The following KCNIP4 variants were observed in gnomAD, a reference collection of about 807,000 sequenced individuals.
The protein encoded by KCNIP4 is potassium voltage-gated channel interacting protein 4, also known as Kv channel-interacting protein 4.
In KCNIP4, 12 loss-of-function variants were observed where a neutral mutation model predicts 34.0. That is an observed-to-expected ratio of 0.35 (90% CI 0.23 to 0.57). The LOEUF is 0.57. Ranked by LOEUF, KCNIP4 falls within the 20% of genes least tolerant of loss-of-function variation. The pLI is 0.83. For synonymous variants in KCNIP4, 124 were observed against 102.2 expected (o/e 1.21, Z -1.29); for missense variants, 238 against 311.7 (o/e 0.76, Z 1.78).
intron 1 of KCNIP4, among the ~76,000 whole-genome samples, chr4:21,414,444 A>G (rs1441316749): frequency 1.3e-5 from 2 of 152,190 alleles, no homozygotes; most frequent in Non-Finnish European, 2.9e-5. Flanking sequence ...AAGTGTTGAC[A>G]AAGGTGTGGA....
chr4:21,294,682 C>T (rs1763737150), intron 1 of KCNIP4, among the ~76,000 whole-genome samples: 1 of 152,092 alleles, frequency 6.6e-6, no homozygotes, highest in Non-Finnish European at 1.5e-5. Context: ...AATATGTATG[C>T]TACCAAATAG....
chr4:20,970,511 G>A (rs1470991446), intron 1 of KCNIP4, among the ~76,000 whole-genome samples: 1 of 152,076 alleles, frequency 6.6e-6, no homozygotes, highest in Non-Finnish European at 1.5e-5. Flanking sequence ...GAGGGTTAGG[G>A]GAGTGATCTC....
At chr4:21,244,577 G>C (rs1001365928) in intron 1 of KCNIP4, among the ~76,000 whole-genome samples, 1 of 152,144 alleles carries the variant, frequency 6.6e-6, no homozygotes, top group Non-Finnish European at 1.5e-5. Flanking sequence ...ATACTACAGA[G>C]AGGAAAATGT....
chr4:20,908,375 G>T (rs1307406280), intron 1 of KCNIP4, among the ~76,000 whole-genome samples: 1 of 152,178 alleles, frequency 6.6e-6, no homozygotes, highest in East Asian at 1.9e-4. Flanking sequence ...GATTACAGGC[G>T]TGAACCACCG....
intron 1 of KCNIP4, among the ~76,000 whole-genome samples, chr4:20,932,818 A>G (rs1209320927): frequency 6.6e-6 from 1 of 152,206 alleles, no homozygotes; most frequent in African/African-American, 2.4e-5. Context: ...ACAAATGAGA[A>G]AAAAATTGTC....
chr4:21,834,121 C>A (rs939165863), intron 1 of KCNIP4, among the ~76,000 whole-genome samples: 11 of 152,170 alleles, frequency 7.2e-5, no homozygotes, highest in Admixed American at 3.9e-4. Flanking sequence ...TTTTCCAATT[C>A]TGTGAAGAAA....
intron 1 of KCNIP4, among the ~76,000 whole-genome samples, chr4:21,753,572 C>T (rs1245911398): frequency 6.6e-6 from 1 of 152,134 alleles, no homozygotes; most frequent in Non-Finnish European, 1.5e-5. Flanking sequence ...AGTAAGCCAA[C>T]AGCAAATCAG....
At chr4:21,387,690 A>C (rs1370499926) in intron 1 of KCNIP4, among the ~76,000 whole-genome samples, 1 of 152,158 alleles carries the variant, frequency 6.6e-6, no homozygotes. Flanking sequence ...GGTTTTGTGG[A>C]CAGTGGAGTT....
intron 1 of KCNIP4, among the ~76,000 whole-genome samples, chr4:21,770,754 G>A (rs1718725928): frequency 6.6e-6 from 1 of 152,174 alleles, no homozygotes; most frequent in Non-Finnish European, 1.5e-5. Flanking sequence ...CTTTTGAGAA[G>A]TGTCTGTTCA....
intron 1 of KCNIP4, among the ~76,000 whole-genome samples, chr4:21,904,102 A>C (rs1267647723): frequency 6.6e-6 from 1 of 152,138 alleles, no homozygotes; most frequent in East Asian, 1.9e-4. Flanking sequence ...GGGTAGTCCA[A>C]AATTTCAGAA....
intron 1 of KCNIP4, among the ~76,000 whole-genome samples, chr4:21,209,153 CATAT>C (rs1050495825): frequency 6.6e-6 from 1 of 152,100 alleles, no homozygotes; most frequent in Non-Finnish European, 1.5e-5. Context: ...TAATAATTTA[CATAT>C]TTATAGGGTA....
chr4:21,836,914 A>AATT (rs758925018), intron 1 of KCNIP4, among the ~76,000 whole-genome samples: 2 of 123,538 alleles, frequency 1.6e-5, no homozygotes, highest in African/African-American at 6.7e-5. Flanking sequence ...GCTGGGATAA[A>AATT]TTTTTTTTTT....
chr4:20,937,222 C>CTTTTTTTTTTTTTT lies in KCNIP4; in HGVS notation c.62-54527_62-54514dup, dbSNP rs397992488. Among the ~76,000 whole-genome samples the CTTTTTTTTTTTTTT allele has an allele frequency of 1.3e-4, 6 of 45,524 alleles. 1 individual carries two copies. Among genetic ancestry groups the CTTTTTTTTTTTTTT allele is most frequent in the Non-Finnish European group, 2.1e-4 (5 of 23,518 alleles). 29.9% of individuals were successfully genotyped at this position (45,524 alleles called of 152,430 possible). On this transcript the variant is annotated intron_variant, in intron 1 of 8. Coordinates refer to ENST00000382152, the MANE Select transcript of KCNIP4 (RefSeq NM_025221.6). ...TGAGCAAAAGGTGCCCCCAAGGAGT[C>CTTTTTTTTTTTTTT]TTTTTTTTTTTTTTTTTTTTTTTTT...
intron 1 of KCNIP4, among the ~76,000 whole-genome samples, chr4:21,153,751 C>A (rs147308767): frequency 6.6e-6 from 1 of 152,114 alleles, no homozygotes; most frequent in Non-Finnish European, 1.5e-5. Flanking sequence ...TATTTTACCA[C>A]CTCTTGGGAG....
intron 1 of KCNIP4, among the ~76,000 whole-genome samples, chr4:21,082,865 TTCTATCTA>T (rs71182707): frequency 0.023 from 3,392 of 147,666 alleles, 75 homozygotes; most frequent in African/African-American, 0.044. Context: ...TGCCAGGTTA[TTCTATCTA>T]TCTATCTATC....
chr4:21,834,633 A>AAT (rs1339375399), intron 1 of KCNIP4, among the ~76,000 whole-genome samples: 2 of 152,134 alleles, frequency 1.3e-5, no homozygotes, highest in African/African-American at 4.8e-5. Flanking sequence ...CACTATGTTG[A>AAT]ATAGGACTGG....
chr4:21,113,472 A>G (rs1472543528), intron 1 of KCNIP4, among the ~76,000 whole-genome samples: 7 of 150,202 alleles, frequency 4.7e-5, no homozygotes, highest in African/African-American at 1.7e-4. Flanking sequence ...AAAAAAAAAA[A>G]AAAAAAAAGG....
rs1173506757 is a variant in KCNIP4, at chr4:21,370,800, AATATATATATATATATATATATAT to A, written c.62-488115_62-488092del. 2.1e-3 allele frequency among the ~76,000 whole-genome samples: 37 copies of A among 17,980 alleles called. 6 individuals are homozygous for A. The highest frequency in any genetic ancestry group is 6.7e-3 in the South Asian group (2 of 300). 11.8% of individuals were successfully genotyped at this position (17,980 alleles called of 152,430 possible). A position where few individuals can be genotyped will look rare whatever the true frequency, so the allele number is the denominator to read the frequency against. ...GAACAGACAGGAGGTCATGGATTGAAATATATATATATATATATATATATATATATATATATATATATATATATA... is the reference window on the plus strand; with the variant it reads ...GAACAGACAGGAGGTCATGGATTGAAATATATATATATATATATATATATA... On this transcript the variant is annotated intron_variant, in intron 1 of 8. Coordinates refer to ENST00000382152, the MANE Select transcript of KCNIP4 (RefSeq NM_025221.6).
At chr4:20,768,064 A>T (rs1365514510) in intron 3 of KCNIP4, among the ~76,000 whole-genome samples, 1 of 152,194 alleles carries the variant, frequency 6.6e-6, no homozygotes, top group Admixed American at 6.6e-5. Context: ...TCAAAATTTA[A>T]ATGACACAAT....
Sources: allele counts gnomAD v4.1 joint callset (sites outside exome capture counted in the v4.1 genomes callset), GRCh38; gene constraint gnomAD v4.1.1; transcripts MANE v1.5; gene names NCBI Gene and HGNC (gene_info 2026-07-23, HGNC 2026-07-21).